Variants in SDCCAG8 observed in about 807,000 individuals in gnomAD.
SDCCAG8 encodes the protein SHH signaling and ciliogenesis regulator SDCCAG8.
A neutral mutation model predicts 101.8 loss-of-function variants in SDCCAG8; 74 were observed. The observed-to-expected ratio is 0.73, with a 90% CI of 0.60 to 0.88. The LOEUF is 0.88. Ranked by LOEUF, SDCCAG8 falls within the 40% of genes least tolerant of loss-of-function variation. The probability of loss-of-function intolerance (pLI) is 0.00; values close to 1 mark genes in which losing one functional copy is unlikely to be tolerated. For synonymous variants in SDCCAG8, 281 were observed against 292.9 expected (o/e 0.96, Z 0.41); for missense variants, 787 against 822.6 (o/e 0.96, Z 0.53).
At chr1:243,292,941 G>A (rs984384225) in intron 5 of SDCCAG8, 150 bp from the exon 6 acceptor site, 2 of 944,452 alleles carry the variant, frequency 2.1e-6, no homozygotes, top group African/African-American at 3.3e-5. Flanking sequence ...GACCCTAATA[G>A]CCTGAAAATG....
intron 12 of SDCCAG8, among the ~76,000 whole-genome samples, chr1:243,346,541 G>T (rs915001989): frequency 6.6e-6 from 1 of 152,186 alleles, no homozygotes; most frequent in Non-Finnish European, 1.5e-5. Context: ...CTTTTTTGAT[G>T]TATACAAAAT....
chr1:243,448,696 A>G (rs922693855), intron 16 of SDCCAG8, among the ~76,000 whole-genome samples: 1 of 152,010 alleles, frequency 6.6e-6, no homozygotes, highest in Non-Finnish European at 1.5e-5. Flanking sequence ...AGTTTGCTCA[A>G]ATGTACAGGA....
chr1:243,317,918 A>ATCCATATATATGAACCTCAGTGTTTTATT (rs2073403622), intron 9 of SDCCAG8: 1 of 392,308 alleles, frequency 2.5e-6, no homozygotes, highest in Non-Finnish European at 5.1e-6. Flanking sequence ...GCACTGGTCT[A>ATCCATATATATGAACCTCAGTGTTTTATT]AACCATATAT....
chr1:243,272,883 C>T (rs1458538153), intron 3 of SDCCAG8, among the ~76,000 whole-genome samples: 1 of 152,070 alleles, frequency 6.6e-6, no homozygotes, highest in African/African-American at 2.4e-5. Flanking sequence ...AACTGAGGCA[C>T]TGTTGAGATG....
At chr1:243,319,432 G>A (rs1381613916) in intron 9 of SDCCAG8, among the ~76,000 whole-genome samples, 1 of 152,048 alleles carries the variant, frequency 6.6e-6, no homozygotes, top group South Asian at 2.1e-4. Context: ...GGAGTGCAAT[G>A]GCGCAATCTC....
intron 17 of SDCCAG8, among the ~76,000 whole-genome samples, chr1:243,498,243 G>GGTGGCAGTCTCCGTGCTGTCA (rs1362270095): frequency 6.6e-6 from 1 of 152,206 alleles, no homozygotes; most frequent in Admixed American, 6.5e-5. Context: ...AGATCGTGTT[G>GGTGGCAGTCTCCGTGCTGTCA]GTGGCAGTCT....
At chr1:243,286,192 A>G (rs1244249558) in intron 4 of SDCCAG8, 80 bp from the exon 5 acceptor site, 11 of 1,375,952 alleles carry the variant, frequency 8.0e-6, no homozygotes, top group Non-Finnish European at 1.0e-5. Flanking sequence ...CGTACTTTAT[A>G]TCATGCTGTG....
intron 13 of SDCCAG8, among the ~76,000 whole-genome samples, chr1:243,380,740 T>C (rs1373468362): frequency 6.6e-6 from 1 of 152,136 alleles, no homozygotes; most frequent in Non-Finnish European, 1.5e-5. Context: ...AACGTAGTTT[T>C]ACAGGAAATA....
chr1:243,349,956 ATC>A (rs2075991096), intron 12 of SDCCAG8, among the ~76,000 whole-genome samples: 1 of 152,110 alleles, frequency 6.6e-6, no homozygotes, highest in Admixed American at 6.6e-5. Flanking sequence ...AGGGTGGGGT[ATC>A]TCTGCAAAAG....
chr1:243,292,389 C>T (rs1311330952), intron 5 of SDCCAG8, among the ~76,000 whole-genome samples: 4 of 152,170 alleles, frequency 2.6e-5, no homozygotes, highest in Non-Finnish European at 5.9e-5. Flanking sequence ...GTGTCAGAAA[C>T]CCGGGACTAA....
chr1:243,332,650 A>G (rs1009103063), intron 10 of SDCCAG8, among the ~76,000 whole-genome samples: 1 of 151,322 alleles, frequency 6.6e-6, no homozygotes, highest in Admixed American at 6.6e-5. Context: ...GGAGGTGATT[A>G]TCGCGGTCCC....
At chr1:243,480,620 G>T (rs1663425314) in intron 16 of SDCCAG8, among the ~76,000 whole-genome samples, 2 of 104,236 alleles carry the variant, frequency 1.9e-5, no homozygotes, top group Admixed American at 1.9e-4. Flanking sequence ...GGATGGATGG[G>T]TGGTATGGAT....
At chr1:243,434,177 G>A (rs1397214326) in intron 16 of SDCCAG8, among the ~76,000 whole-genome samples, 1 of 152,146 alleles carries the variant, frequency 6.6e-6, no homozygotes, top group Non-Finnish European at 1.5e-5. Flanking sequence ...TGCATCAGTG[G>A]TATAATGGTT....
chr1:243,258,713 C>T (rs1455204041), intron 1 of SDCCAG8, among the ~76,000 whole-genome samples: 3 of 152,264 alleles, frequency 2.0e-5, no homozygotes, highest in Non-Finnish European at 1.5e-5. Context: ...TGATAATTCC[C>T]TTTAAAGTAA....
chr1:243,474,991 G>T lies in SDCCAG8; in HGVS notation c.1986-14023G>T, dbSNP rs1438008451. 6.6e-6 allele frequency among the ~76,000 whole-genome samples: 1 copy of T among 152,180 alleles called. No homozygotes were observed. The highest frequency in any genetic ancestry group is 1.5e-5 in the Non-Finnish European group (1 of 68,024). ...AATAGGGTACCCCATTGCCATGTGGGTCAGGGATTGGGGGAATGTCCGGAT... is the reference window on the plus strand; with the variant it reads ...AATAGGGTACCCCATTGCCATGTGGTTCAGGGATTGGGGGAATGTCCGGAT... On this transcript the variant is annotated intron_variant, in intron 16 of 17. Transcript: ENST00000366541. This position sits in a 1 kb window ranked among gnomAD's most constrained non-coding sequence, Gnocchi z 4.7.
chr1:243,260,348 T>C (rs776423836), intron 1 of SDCCAG8, among the ~76,000 whole-genome samples: 24 of 152,182 alleles, frequency 1.6e-4, no homozygotes, highest in Non-Finnish European at 3.2e-4. Context: ...ACTCTATGGG[T>C]AGTTATAATT....
rs780300587 is a variant in SDCCAG8 at position 243,307,975 on chromosome 1, C to G, written c.741-14C>G. On this transcript the variant is annotated splice_polypyrimidine_tract_variant and intron_variant, in intron 7 of 17. Coordinates refer to ENST00000366541, the MANE Select transcript of SDCCAG8 (RefSeq NM_006642.5). ...ACCTGGCCATTTTCTAGAATTTTTT[C>G]ACCCTCTTTTTAGGAACGACTTAGC... The G allele has an allele frequency of 1.5e-5, 24 of 1,612,774 alleles. No individual in the cohort carries two copies. The highest frequency in any genetic ancestry group is 2.0e-5 in the Non-Finnish European group (24 of 1,179,848).
At chr1:243,298,850 G>T (rs573574124) in intron 6 of SDCCAG8, among the ~76,000 whole-genome samples, 1 of 152,114 alleles carries the variant, frequency 6.6e-6, no homozygotes, top group African/African-American at 2.4e-5. Context: ...TGTCTTGATT[G>T]TTATAGCCTG....
chr1:243,312,578 C>T (rs533259676), intron 8 of SDCCAG8, among the ~76,000 whole-genome samples: 8 of 152,002 alleles, frequency 5.3e-5, no homozygotes, highest in Non-Finnish European at 8.8e-5. Flanking sequence ...TGTTGGTGCA[C>T]GCCTGTAATC....
Sources: allele counts gnomAD v4.1 joint callset (sites outside exome capture counted in the v4.1 genomes callset), GRCh38; gene constraint gnomAD v4.1.1; non-coding constraint Gnocchi (gnomAD v3.1); transcripts MANE v1.5; gene names NCBI Gene and HGNC (gene_info 2026-07-23, HGNC 2026-07-21).